Variants in PROSER1 observed in about 807,000 individuals in gnomAD.
The protein encoded by PROSER1 is proline and serine rich 1.
Under a neutral mutation model 71.8 loss-of-function variants are expected in PROSER1, and 36 were observed. The observed-to-expected ratio is 0.50, with a 90% confidence interval of 0.38 to 0.66. PROSER1 has a LOEUF of 0.66. PROSER1 is among the 30% of genes least tolerant of loss of function. The pLI is 0.00. For synonymous variants in PROSER1, 490 were observed against 452.4 expected, an observed-to-expected ratio of 1.08 and a Z score of -1.06; for missense variants, 1,107 against 1,135.0, an observed-to-expected ratio of 0.98 and a Z score of 0.35.
chr13:39,017,320 CATGTT>C (rs1176438927), intron 10 of PROSER1, among the ~76,000 whole-genome samples, 175 bp downstream of exon 10: 2 of 152,204 alleles, frequency 1.3e-5, no homozygotes, highest in Non-Finnish European at 2.9e-5. Context: ...ACGTGCATTT[CATGTT>C]ATGTATATAA....
At position 39,021,864 on chromosome 13, in the gene PROSER1, T is replaced by C. The variant is rs1017069660; in HGVS notation, c.730+462A>G. Among the ~76,000 whole-genome samples the C allele has an allele frequency of 9.8e-5, 15 of 152,292 alleles. No individual in the cohort carries two copies. The East Asian group carries it at 1.2e-3, about 12-fold the overall frequency. On this transcript the variant is annotated intron_variant, in intron 9 of 12. Coordinates refer to ENST00000352251, the MANE Select transcript of PROSER1 (RefSeq NM_025138.5). ...TCACAGCACTGATCATTCCAACGCA[T>C]CTCTTTGAATCTAAGATGCCACTTG...
chr13:39,026,466 A>C (rs1870551702), intron 5 of PROSER1, 79 bp from the exon 6 acceptor site: 12 of 827,472 alleles, frequency 1.5e-5, no homozygotes, highest in Non-Finnish European at 2.3e-5. Flanking sequence ...CTCAGCTAAA[A>C]AAAACATGAA....
intron 3 of PROSER1, 54 bp downstream of exon 3, chr13:39,031,509 G>T (rs1870840740): frequency 1.9e-5 from 24 of 1,238,362 alleles, no homozygotes; most frequent in Non-Finnish European, 2.7e-5. Flanking sequence ...ACACAACTGG[G>T]AGAATTAAAA....
intron 1 of PROSER1, among the ~76,000 whole-genome samples, chr13:39,034,487 T>C (rs139604632): frequency 3.7e-3 from 570 of 152,348 alleles, no homozygotes; most frequent in Middle Eastern, 0.02. Flanking sequence ...AACATCAGTA[T>C]ACACAACATT....
rs199766590 is a variant in PROSER1 at position 39,012,806 on chromosome 13, C to G, written c.2446G>C (p.Ala816Pro). The change falls in exon 11 of 13, where the codon GCA becomes CCA. Residue 816 changes from alanine to proline, a missense_variant. By Grantham distance (27) the Ala-to-Pro change is conservative (BLOSUM62 -1). Transcript: ENST00000352251. ...GCCACAGGTAGTGGTGTGACAGCTG[C>G]GACTGTAGAGGGCGCCTGCAGCCCC... Reference protein sequence around the residue: ...FPGLQAPSTVAAVTPLPVAAT... With the variant: ...FPGLQAPSTVPAVTPLPVAAT... 1 of 1,614,080 alleles carries G rather than the reference C, an allele frequency of 6.2e-7. No individual in the cohort carries two copies. The highest frequency in any genetic ancestry group is 1.1e-5 in the South Asian group (1 of 91,076).
chr13:39,032,602 GAT>G (rs984322527), intron 2 of PROSER1, among the ~76,000 whole-genome samples: 8 of 151,626 alleles, frequency 5.3e-5, no homozygotes, highest in South Asian at 2.1e-4. Flanking sequence ...CTTATAAAGA[GAT>G]ATATATATAT....
At position 39,016,502 on chromosome 13, in the gene PROSER1, C is replaced by A. The variant is rs549180029; in HGVS notation, c.775+998G>T. Among the ~76,000 whole-genome samples, 19 of 152,302 alleles carry A rather than the reference C, an allele frequency of 1.2e-4. No individual in the cohort carries two copies. The South Asian group carries it at 2.1e-3, about 17-fold the overall frequency. ...CAGTTCCAAAAGGAAAAAATAAAATCTTAATCATGCTAACATCGTACAACA... is the reference window on the plus strand; with the variant it reads ...CAGTTCCAAAAGGAAAAAATAAAATATTAATCATGCTAACATCGTACAACA... On this transcript the variant is annotated intron_variant, in intron 10 of 12. Coordinates refer to ENST00000352251, the MANE Select transcript of PROSER1 (RefSeq NM_025138.5).
Position 39,037,439 on chromosome 13 carries a change from ACT to A in PROSER1, c.-199_-198del. On this transcript the variant is annotated 5_prime_UTR_variant, in exon 1 of 13. Transcript: ENST00000352251. ...TTTCTAAAAATTGAGATTCAGAAAAACTCTTTTTATTAAAAAGAAAAAACACT... is the reference window on the plus strand; with the variant it reads ...TTTCTAAAAATTGAGATTCAGAAAAACTTTTTATTAAAAAGAAAAAACACT... 1.8e-6 allele frequency: 1 copy of A among 564,424 alleles called. No homozygotes were observed. The highest frequency in any genetic ancestry group is 3.1e-6 in the Non-Finnish European group (1 of 318,496). 35.0% of individuals were successfully genotyped at this position (564,424 alleles called of 1,614,324 possible). A position where few individuals can be genotyped will look rare whatever the true frequency, so the allele number is the denominator to read the frequency against.
In PROSER1 at chr13:39,013,504, C is replaced by T. The variant is rs777591348; in HGVS notation, c.1748G>A (p.Arg583His). Residue 583 changes from arginine (R) to histidine (H), a missense_variant, in exon 11 of 13, where the codon CGT becomes CAT. Transcript: ENST00000352251. The stretch of plus-strand genomic sequence containing the variant: ...ATCTGAGGTACCTGGGTGGGGGCCA[C>T]GCAAAAGGGAGGCTGAGGAGCCACA... Reference protein sequence around the residue: ...VSCGSSASLLRGPHPGTSDLH... With the variant: ...VSCGSSASLLHGPHPGTSDLH... The T allele has an allele frequency of 3.0e-5, 48 of 1,613,792 alleles. No individual in the cohort carries two copies. Among genetic ancestry groups the T allele is most frequent in the Non-Finnish European group, 3.7e-5 (44 of 1,180,002 alleles).
intron 8 of PROSER1, 25 bp from the exon 9 acceptor site, chr13:39,022,437 A>G: frequency 6.7e-7 from 1 of 1,503,122 alleles, no homozygotes; most frequent in East Asian, 2.3e-5. Flanking sequence ...CAATAGAAAA[A>G]AATATACCTT....
In PROSER1 at chr13:39,012,414, T is replaced by C. The variant is rs1020845575; in HGVS notation, c.2562-181A>G. On this transcript the variant is annotated intron_variant, in intron 11 of 12. Coordinates refer to ENST00000352251, the MANE Select transcript of PROSER1 (RefSeq NM_025138.5). ...TGATATGAATCTTTCTACTGTGAAGTATATTATTCGAAATTCAGTAAGTCT... is the reference window on the plus strand; with the variant it reads ...TGATATGAATCTTTCTACTGTGAAGCATATTATTCGAAATTCAGTAAGTCT... 6 of 700,460 alleles carry C rather than the reference T, an allele frequency of 8.6e-6. No individual in the cohort carries two copies. The African/African-American group carries it at 1.1e-4, about 13-fold the overall frequency. 43.4% of individuals were successfully genotyped at this position (700,460 alleles called of 1,614,324 possible).
chr13:39,028,219 A>AAT lies in PROSER1; in HGVS notation c.369+7_369+8insAT. ...GTACCAAGTACATGACAATCTTTAG[A>AAT]AAACTACCTGTTCAAGTATTCTCTT... On this transcript the variant is annotated splice_region_variant and intron_variant, in intron 5 of 12. Transcript: ENST00000352251. 1 of 1,489,262 alleles carries AAT rather than the reference A, an allele frequency of 6.7e-7. No homozygotes were observed. The highest frequency in any genetic ancestry group is 9.4e-7 in the Non-Finnish European group (1 of 1,068,528). The allele number at this position is 1,489,262 out of a possible 1,614,324, so 92.3% of individuals were successfully genotyped here. A position where few individuals can be genotyped will look rare whatever the true frequency, so the allele number is the denominator to read the frequency against.
intron 5 of PROSER1, among the ~76,000 whole-genome samples, chr13:39,027,469 C>T (rs146682049): frequency 2.8e-4 from 42 of 152,190 alleles, no homozygotes; most frequent in Admixed American, 1.3e-3. Context: ...GTGACACGAT[C>T]GGAACACTTC....
chr13:39,029,908 TGCA>T (rs1461274442), intron 3 of PROSER1, among the ~76,000 whole-genome samples: 1 of 152,234 alleles, frequency 6.6e-6, no homozygotes, highest in Non-Finnish European at 1.5e-5. Flanking sequence ...TAATTTAATG[TGCA>T]TTGTGATGCA....
chr13:39,012,860 T>C lies in PROSER1; in HGVS notation c.2392A>G (p.Ser798Gly), dbSNP rs754985997. 25 of 1,613,902 alleles carry C rather than the reference T, an allele frequency of 1.5e-5. No homozygotes were observed. Among genetic ancestry groups the C allele is most frequent in the Admixed American group, 6.7e-5 (4 of 59,980 alleles). ...YPGFSVSNTP[S>G]VTPALPSFPG... ...AATGAGGGAAGAGCAGGGGTAACGC[T>C]TGGGGTATTAGAGACAGAAAAGCCT... is the stretch of plus-strand genomic sequence containing the variant. Residue 798 changes from serine (S) to glycine (G), a missense_variant, in exon 11 of 13, where the codon AGC (serine) becomes GGC (glycine). Ser to Gly is a moderately conservative substitution (Grantham distance 56, BLOSUM62 0). Coordinates refer to ENST00000352251, the MANE Select transcript of PROSER1 (RefSeq NM_025138.5).
chr13:39,026,267 G>C lies in PROSER1; in HGVS notation c.480+10C>G. 1 of 1,536,830 alleles carries C rather than the reference G, an allele frequency of 6.5e-7. No homozygotes were observed. The highest frequency in any genetic ancestry group is 9.0e-7 in the Non-Finnish European group (1 of 1,111,036). On this transcript the variant is annotated intron_variant, in intron 6 of 12. Coordinates refer to ENST00000352251, the MANE Select transcript of PROSER1 (RefSeq NM_025138.5). ...AGAAGTTTCATATACAGCTACAGAA[G>C]TATGCTTACTGGGAAAATTCCATTT... is the stretch of plus-strand genomic sequence containing the variant.
chr13:39,032,493 A>C (rs1011380462), intron 2 of PROSER1, among the ~76,000 whole-genome samples: 4 of 152,242 alleles, frequency 2.6e-5, no homozygotes, highest in Non-Finnish European at 5.9e-5. Context: ...ACAAGAAGAC[A>C]GTTCCTGAAA....
chr13:39,026,680 C>T (rs1221190879), intron 5 of PROSER1, among the ~76,000 whole-genome samples: 2 of 152,150 alleles, frequency 1.3e-5, no homozygotes, highest in Admixed American at 6.5e-5. Context: ...TCTAATCTGT[C>T]CCATTTCTTC....
Position 39,023,052 on chromosome 13 carries a change from T to C in PROSER1, c.643A>G (p.Ser215Gly). Residue 215 changes from serine to glycine, a missense_variant and splice_region_variant, in exon 8 of 13, where the codon AGT becomes GGT. Ser to Gly is a moderately conservative substitution (Grantham distance 56). Transcript: ENST00000352251. Reference sequence around the variant, plus strand: ...AGTAAAAAATAAGGGAACTCCTTACTTGGTGCAATAGTTGCATGTGGTCGG... The same window carrying C: ...AGTAAAAAATAAGGGAACTCCTTACCTGGTGCAATAGTTGCATGTGGTCGG... ...PCRPHATIAP[S>G]AYNNAGLVPL... 6.2e-7 allele frequency: 1 copy of C among 1,608,762 alleles called. No individual in the cohort carries two copies. Among genetic ancestry groups the C allele is most frequent in the Non-Finnish European group, 8.5e-7 (1 of 1,175,598 alleles).
Sources: gnomAD v4.1 joint callset for allele counts (sites outside exome capture counted in the v4.1 genomes callset) on GRCh38, gnomAD v4.1.1 for gene constraint, MANE v1.5 for transcripts, NCBI Gene and HGNC (gene_info 2026-07-23, HGNC 2026-07-21) for gene names.